The following CDC42EP4 variants were observed in gnomAD, a reference collection of about 807,000 sequenced individuals.
CDC42EP4 encodes the protein CDC42 effector protein 4.
In CDC42EP4, 6 loss-of-function variants were observed where a neutral mutation model predicts 5.6. That is an observed-to-expected ratio of 1.07 (90% CI 0.59 to 2.12). CDC42EP4 has a LOEUF of 2.12. Ranked by LOEUF, CDC42EP4 falls within the 30% of genes most tolerant of loss-of-function variation. The pLI, the probability that CDC42EP4 is intolerant of heterozygous loss-of-function variation, is 0.00. For synonymous variants in CDC42EP4, 230 were observed against 224.2 expected, an observed-to-expected ratio of 1.03 and a Z score of -0.23; for missense variants, 490 against 508.6, an observed-to-expected ratio of 0.96 and a Z score of 0.35.
At chr17:73,296,731 C>T (rs1368242002) in intron 1 of CDC42EP4, among the ~76,000 whole-genome samples, 5 of 151,910 alleles carry the variant, frequency 3.3e-5, no homozygotes, top group African/African-American at 1.2e-4. Context: ...GCCTGTAATC[C>T]CAGCACTTTG....
chr17:73,293,171 T>C (rs1455273999), intron 1 of CDC42EP4, among the ~76,000 whole-genome samples: 2 of 152,112 alleles, frequency 1.3e-5, no homozygotes, highest in Non-Finnish European at 2.9e-5. Flanking sequence ...TGGAGGTCAT[T>C]ATAGGTGTAC....
chr17:73,288,584 C>T (rs983603459), intron 1 of CDC42EP4, among the ~76,000 whole-genome samples: 8 of 151,906 alleles, frequency 5.3e-5, no homozygotes, highest in Non-Finnish European at 7.4e-5. Context: ...AGGGTTTTAA[C>T]AGGTCTGTTT....
intron 1 of CDC42EP4, among the ~76,000 whole-genome samples, chr17:73,292,144 C>T (rs1374371632): frequency 5.9e-5 from 9 of 152,246 alleles, no homozygotes; most frequent in African/African-American, 2.2e-4. Context: ...CTGAAGCTGC[C>T]CTGCGGTTCA....
At chr17:73,291,282 C>A (rs968980778) in intron 1 of CDC42EP4, among the ~76,000 whole-genome samples, 3 of 152,138 alleles carry the variant, frequency 2.0e-5, no homozygotes, top group African/African-American at 7.2e-5. Context: ...GAGGGAGTCA[C>A]GCATCTGTCC....
chr17:73,287,343 C>A (rs1936752957), intron 1 of CDC42EP4, among the ~76,000 whole-genome samples: 2 of 152,148 alleles, frequency 1.3e-5, no homozygotes, highest in African/African-American at 4.8e-5. Flanking sequence ...GAGGGTCCAC[C>A]TTCTGGTGTC....
At chr17:73,311,715 G>A (rs1011140080) in intron 1 of CDC42EP4, among the ~76,000 whole-genome samples, 178 bp downstream of exon 1, 9 of 152,168 alleles carry the variant, frequency 5.9e-5, no homozygotes, top group African/African-American at 1.7e-4. Context: ...CGGTGGGCGC[G>A]GTGAAAAGCG....
rs188575176 is a variant in CDC42EP4, at chr17:73,303,081, C to T, written c.-113+8812G>A. Among the ~76,000 whole-genome samples the T allele has an allele frequency of 7.1e-3, 1,037 of 145,560 alleles. 15 individuals carry two copies. Among genetic ancestry groups the T allele is most frequent in the African/African-American group, 0.025 (980 of 39,126 alleles). On this transcript the variant is annotated intron_variant, in intron 1 of 1. Transcript: ENST00000335793. Reference sequence around the variant, plus strand: ...ATAATTGGCCAGGCGCGGTGGCTCACGCCTGTAATCCCAGAACTTTGGGAG... The same window carrying T: ...ATAATTGGCCAGGCGCGGTGGCTCATGCCTGTAATCCCAGAACTTTGGGAG...
chr17:73,298,730 A>G (rs2062201240), intron 1 of CDC42EP4, among the ~76,000 whole-genome samples: 1 of 152,148 alleles, frequency 6.6e-6, no homozygotes, highest in Non-Finnish European at 1.5e-5. Context: ...TCAGAGAAAC[A>G]GGCTCCCTAA....
intron 1 of CDC42EP4, among the ~76,000 whole-genome samples, chr17:73,294,929 C>A (rs1283779703): frequency 1.3e-5 from 2 of 152,128 alleles, no homozygotes; most frequent in African/African-American, 4.8e-5. Flanking sequence ...CTGCCTTAGC[C>A]TCCTGAGTAG....
chr17:73,295,252 G>A (rs1401194682), intron 1 of CDC42EP4, among the ~76,000 whole-genome samples: 1 of 152,144 alleles, frequency 6.6e-6, no homozygotes, highest in South Asian at 2.1e-4. Context: ...TTGGGACCAG[G>A]AGAGGTGACT....
At chr17:73,291,173 C>T (rs905871738) in intron 1 of CDC42EP4, among the ~76,000 whole-genome samples, 11 of 152,290 alleles carry the variant, frequency 7.2e-5, no homozygotes, top group East Asian at 3.9e-4. Context: ...CCTGCTGCCA[C>T]GGTCTCGCTT....
intron 1 of CDC42EP4, among the ~76,000 whole-genome samples, chr17:73,300,772 C>T (rs191733363): frequency 5.3e-5 from 8 of 152,222 alleles, no homozygotes; most frequent in African/African-American, 1.2e-4. Context: ...ATAGGCAGGG[C>T]GCGGTGGCTC....
intron 1 of CDC42EP4, among the ~76,000 whole-genome samples, chr17:73,287,005 G>C (rs1013878858): frequency 6.6e-6 from 1 of 152,218 alleles, no homozygotes; most frequent in Non-Finnish European, 1.5e-5. Flanking sequence ...TGGAGTCTAT[G>C]AGTTGGCTCC....
intron 1 of CDC42EP4, among the ~76,000 whole-genome samples, chr17:73,305,070 G>C (rs963765594): frequency 6.6e-6 from 1 of 152,196 alleles, no homozygotes; most frequent in Non-Finnish European, 1.5e-5. Context: ...CTGGGAATTA[G>C]AACAGCACAG....
chr17:73,289,833 G>A lies in CDC42EP4; in HGVS notation c.-112-3221C>T, dbSNP rs934095190. ...AAGAGAGAAAGAAAAAGAAAGGAAA[G>A]AAGGAAAGGAAAGGAAGAGAAGAAA... is the stretch of plus-strand genomic sequence containing the variant. On this transcript the variant is annotated intron_variant, in intron 1 of 1. Transcript: ENST00000335793. Among the ~76,000 whole-genome samples the A allele has an allele frequency of 7.3e-5, 11 of 149,766 alleles. 1 individual carries two copies. Among genetic ancestry groups the A allele is most frequent in the South Asian group, 6.3e-4 (3 of 4,728 alleles).
intron 1 of CDC42EP4, among the ~76,000 whole-genome samples, chr17:73,303,522 C>T (rs144559431): frequency 1.2e-3 from 188 of 151,914 alleles, no homozygotes; most frequent in African/African-American, 4.2e-3. Flanking sequence ...ATTAGCCTGG[C>T]GTGGTGGTGG....
chr17:73,309,783 CG>C (rs1252970415), intron 1 of CDC42EP4: 4 of 152,266 alleles, frequency 2.6e-5, no homozygotes, highest in African/African-American at 9.7e-5. Context: ...ATGATCACAG[CG>C]GGCCCCTCCT....
chr17:73,299,269 T>TA (rs1026712973), intron 1 of CDC42EP4, among the ~76,000 whole-genome samples: 10 of 148,994 alleles, frequency 6.7e-5, no homozygotes, highest in South Asian at 4.2e-4. Context: ...TAAAAATATT[T>TA]AAAAAAAAAA....
chr17:73,287,180 G>A (rs1312205078), intron 1 of CDC42EP4, among the ~76,000 whole-genome samples: 3 of 152,200 alleles, frequency 2.0e-5, no homozygotes, highest in African/African-American at 4.8e-5. Context: ...CTCCCCCTGC[G>A]TGGGCGGCAC....
Sources: gnomAD v4.1 joint callset for allele counts (sites outside exome capture counted in the v4.1 genomes callset) on GRCh38, gnomAD v4.1.1 for gene constraint, MANE v1.5 for transcripts, NCBI Gene and HGNC (gene_info 2026-07-23, HGNC 2026-07-21) for gene names.